ENPEP: variants seen among roughly 807,000 people sequenced by gnomAD.
ENPEP encodes the protein AP-A.
ENPEP carries 103 observed loss-of-function variants against 114.5 expected under a neutral mutation model. The observed-to-expected ratio is 0.90, with a 90% CI of 0.77 to 1.06. The LOEUF (loss-of-function observed/expected upper bound fraction) is 1.06, where lower values mean the gene tolerates loss of function less well. Among genes scored for constraint, ENPEP ranks in the 50% least tolerant of loss-of-function variants. The probability of loss-of-function intolerance (pLI) is 0.00; values close to 1 mark genes in which losing one functional copy is unlikely to be tolerated. For synonymous variants in ENPEP, 420 were observed against 422.0 expected, an observed-to-expected ratio of 1.00 and a Z score of 0.06; for missense variants, 1,196 against 1,161.3, an observed-to-expected ratio of 1.03 and a Z score of -0.43.
Position 110,520,346 on chromosome 4 carries a change from T to A in ENPEP, c.1707T>A (p.Ser569=). The part of the protein sequence containing the change: ...RFLLDPRANP[S]QPPSDLGYTW... ...TGTTGGACCCAAGAGCTAACCCTTC[T>A]CAGCCCCCTTCAGATCTTGGGTAAG... The change falls in exon 10 of 20, where the codon TCT becomes TCA. Residue 569 remains serine, a synonymous_variant. Transcript: ENST00000265162. 1 of 1,614,016 alleles carries A rather than the reference T, an allele frequency of 6.2e-7. No homozygotes were observed. Among genetic ancestry groups the A allele is most frequent in the Non-Finnish European group, 8.5e-7 (1 of 1,179,944 alleles).
chr4:110,491,235 GTTTTT>G, intron 3 of ENPEP, 71 bp downstream of exon 3: 6 of 1,039,814 alleles, frequency 5.8e-6, no homozygotes, highest in Non-Finnish European at 6.4e-6. Flanking sequence ...TTTTTGGGTA[GTTTTT>G]TTTTTTTTTT....
intron 1 of ENPEP, among the ~76,000 whole-genome samples, chr4:110,485,966 C>T (rs749161808): frequency 1.9e-4 from 29 of 152,118 alleles, no homozygotes; most frequent in Non-Finnish European, 3.4e-4. Flanking sequence ...CACCAAGCGT[C>T]TCCATTGTAA....
At chr4:110,524,696 C>A (rs554819296) in intron 10 of ENPEP, among the ~76,000 whole-genome samples, 1 of 152,254 alleles carries the variant, frequency 6.6e-6, no homozygotes, top group South Asian at 2.1e-4. Flanking sequence ...TTAAGATTTT[C>A]TAAGTATTTC....
chr4:110,539,504 A>T (rs755705900), intron 11 of ENPEP, among the ~76,000 whole-genome samples: 6 of 152,078 alleles, frequency 3.9e-5, no homozygotes, highest in Non-Finnish European at 8.8e-5. Context: ...CTTCAAATAT[A>T]TTTTGCATGT....
intron 10 of ENPEP, among the ~76,000 whole-genome samples, chr4:110,524,068 A>G (rs1418061249): frequency 6.6e-6 from 1 of 152,188 alleles, no homozygotes; most frequent in Non-Finnish European, 1.5e-5. Context: ...AAATCTAAAA[A>G]TAATTTTATT....
Position 110,549,638 on chromosome 4 carries a change from T to A in ENPEP, c.2330+6T>A, listed in dbSNP as rs780605649. Reference sequence around the variant, plus strand: ...TGGCTAAATGGGACTGTAAGGTGATTACTCACATTGTTATGCTTAGAAGAC... The same window carrying A: ...TGGCTAAATGGGACTGTAAGGTGATAACTCACATTGTTATGCTTAGAAGAC... On this transcript the variant is annotated splice_donor_region_variant and intron_variant, in intron 16 of 19. Transcript: ENST00000265162. The A allele has an allele frequency of 1.1e-5, 17 of 1,613,446 alleles. No homozygotes were observed. The highest frequency in any genetic ancestry group is 1.7e-5 in the Admixed American group (1 of 59,910).
chr4:110,519,958 G>T, intron 8 of ENPEP, 50 bp from the exon 9 acceptor site: 1 of 1,549,104 alleles, frequency 6.5e-7, no homozygotes. Flanking sequence ...GTGAAAGTAT[G>T]AGAAAAGCAA....
At position 110,476,893 on chromosome 4, in the gene ENPEP, G is replaced by A; in HGVS notation, c.479G>A (p.Cys160Tyr). Residue 160 changes from cysteine to tyrosine, a missense_variant, in exon 1 of 20, where the codon TGT (cysteine) becomes TAT (tyrosine). By Grantham distance (194) the Cys-to-Tyr change is radical. Transcript: ENST00000265162. Reference sequence around the variant, plus strand: ...GGGGACCAGGTGCAAGTCCGGAGGTGTTTCGAGTACAAAAAGCAGGAGTAC... The same window carrying A: ...GGGGACCAGGTGCAAGTCCGGAGGTATTTCGAGTACAAAAAGCAGGAGTAC... The part of the protein sequence containing the change: ...PSGDQVQVRR[C>Y]FEYKKQEYVV... 1 of 1,614,160 alleles carries A rather than the reference G, an allele frequency of 6.2e-7. No individual in the cohort carries two copies. The highest frequency in any genetic ancestry group is 8.5e-7 in the Non-Finnish European group (1 of 1,180,018).
chr4:110,563,844 AACTG>A lies in ENPEP; in HGVS notation c.*2289_*2292del. The stretch of plus-strand genomic sequence containing the variant: ...TTTAAATAATAAAACATAGACGTAA[AACTG>A]ACAGGCAAGGGAGGTTTGGGAAACA... On this transcript the variant is annotated 3_prime_UTR_variant, in exon 20 of 20. Coordinates refer to ENST00000265162, the MANE Select transcript of ENPEP (RefSeq NM_001977.4). 6.6e-6 allele frequency: 1 copy of A among 152,174 alleles called. No individual in the cohort carries two copies. The highest frequency in any genetic ancestry group is 2.1e-4 in the South Asian group (1 of 4,836). The allele number at this position is 152,174 out of a possible 1,614,324, so 9.4% of individuals were successfully genotyped here. A position where few individuals can be genotyped will look rare whatever the true frequency, so the allele number is the denominator to read the frequency against.
In ENPEP at chr4:110,515,600, A is replaced by T. The variant is rs1725735379; in HGVS notation, c.1509+158A>T. The T allele has an allele frequency of 1.3e-5, 8 of 639,640 alleles. No individual in the cohort carries two copies. The South Asian group carries it at 1.3e-4, about 10-fold the overall frequency. The allele number at this position is 639,640 out of a possible 1,614,324, so 39.6% of individuals were successfully genotyped here. ...AAGATAAAAACATGATTTTACATCC[A>T]ATTGAGTACCTACATTGTATCTGTA... On this transcript the variant is annotated intron_variant, in intron 8 of 19. Transcript: ENST00000265162.
intron 11 of ENPEP, among the ~76,000 whole-genome samples, chr4:110,541,591 C>T (rs752143517): frequency 1.3e-5 from 2 of 152,096 alleles, no homozygotes; most frequent in Non-Finnish European, 2.9e-5. Flanking sequence ...ATCTCCCATA[C>T]CACTATTGAA....
At chr4:110,515,005 T>C (rs560758037) in intron 7 of ENPEP, among the ~76,000 whole-genome samples, 2 of 152,284 alleles carry the variant, frequency 1.3e-5, no homozygotes, top group African/African-American at 4.8e-5. Flanking sequence ...GTTGGCAGAA[T>C]TTTACCCTGA....
chr4:110,519,976 C>A, intron 8 of ENPEP, 32 bp from the exon 9 acceptor site: 3 of 1,592,142 alleles, frequency 1.9e-6, no homozygotes, highest in Non-Finnish European at 2.6e-6. Flanking sequence ...CAAACATTGA[C>A]TTCTAACATG....
intron 4 of ENPEP, among the ~76,000 whole-genome samples, chr4:110,507,800 C>T (rs1239648399): frequency 3.9e-5 from 6 of 152,134 alleles, no homozygotes; most frequent in Non-Finnish European, 5.9e-5. Context: ...CATGGTGAAA[C>T]CCCATCGCTA....
chr4:110,479,474 G>A (rs1237030361), intron 1 of ENPEP, among the ~76,000 whole-genome samples: 3 of 152,084 alleles, frequency 2.0e-5, no homozygotes, highest in Non-Finnish European at 2.9e-5. Flanking sequence ...ATGCATGTAT[G>A]TCTGTGTATA....
At chr4:110,552,098 C>T (rs1727311943) in intron 17 of ENPEP, among the ~76,000 whole-genome samples, 1 of 152,110 alleles carries the variant, frequency 6.6e-6, no homozygotes, top group African/African-American at 2.4e-5. Context: ...CCTCTTATTG[C>T]TAGGCTGAAG....
At position 110,553,797 on chromosome 4, in the gene ENPEP, G is replaced by A. The variant is rs929960290; in HGVS notation, c.2642+342G>A. ...GGCACATATTTAGTTCTCAATTAAT[G>A]TTTGATTAAAGCTAGGTAAAAATTA... On this transcript the variant is annotated intron_variant, in intron 18 of 19. Transcript: ENST00000265162. Among the ~76,000 whole-genome samples the A allele has an allele frequency of 1.1e-4, 16 of 152,072 alleles. 1 individual carries two copies. The highest frequency in any genetic ancestry group is 3.9e-4 in the Admixed American group (6 of 15,252).
intron 10 of ENPEP, among the ~76,000 whole-genome samples, chr4:110,528,384 G>A (rs1726278039): frequency 6.6e-6 from 1 of 152,126 alleles, no homozygotes; most frequent in African/African-American, 2.4e-5. Context: ...ATGCCTTCAT[G>A]CACCCATAAA....
rs1430365626 is a variant in ENPEP at position 110,562,200 on chromosome 4, T to G, written c.*642T>G. On this transcript the variant is annotated 3_prime_UTR_variant, in exon 20 of 20. Transcript: ENST00000265162. ...TTTTTTTAAAAATAAATCTAAATGA[T>G]TATCTTGAAAAAGTATTGTTTTCCA... 6.6e-6 allele frequency: 1 copy of G among 152,170 alleles called. No individual in the cohort carries two copies. The highest frequency in any genetic ancestry group is 1.5e-5 in the Non-Finnish European group (1 of 68,036). 9.4% of individuals were successfully genotyped at this position (152,170 alleles called of 1,614,324 possible). A position where few individuals can be genotyped will look rare whatever the true frequency, so the allele number is the denominator to read the frequency against.
Sources: allele counts gnomAD v4.1 joint callset (sites outside exome capture counted in the v4.1 genomes callset), GRCh38; gene constraint gnomAD v4.1.1; transcripts MANE v1.5; gene names NCBI Gene and HGNC (gene_info 2026-07-23, HGNC 2026-07-21).